The following ZNF516 variants were observed in gnomAD, a reference collection of about 807,000 sequenced individuals.
ZNF516 encodes the protein zinc finger protein 516.
Under a neutral mutation model 79.7 loss-of-function variants are expected in ZNF516, and 19 were observed. The ratio of observed to expected loss-of-function variants is 0.24; its 90% confidence interval spans 0.17 to 0.35. The LOEUF (loss-of-function observed/expected upper bound fraction) is 0.35, where lower values mean the gene tolerates loss of function less well. ZNF516 is among the 10% of genes least tolerant of loss of function. ZNF516 has a pLI of 1.00. For synonymous variants in ZNF516, 877 were observed against 739.5 expected, an observed-to-expected ratio of 1.19 and a Z score of -3.02; for missense variants, 1,678 against 1,679.5, an observed-to-expected ratio of 1.00 and a Z score of 0.02.
intron 3 of ZNF516, among the ~76,000 whole-genome samples, chr18:76,396,390 C>A (rs2145183010): frequency 6.6e-6 from 1 of 152,116 alleles, no homozygotes; most frequent in East Asian, 1.9e-4. Flanking sequence ...GTGCCAGGAG[C>A]CCGACGCTGT....
rs372078590 is a variant in ZNF516 at position 76,379,115 on chromosome 18, C to T, written c.2999G>A (p.Arg1000His). The part of the protein sequence containing the change: ...GEGGAPPLPP[R>H]EPPSKAAQEL... Reference sequence around the variant, plus strand: ...CTGGGCTGCCTTCGAGGGGGGCTCGCGGGGAGGTAGAGGAGGAGCGCCCCC... The same window carrying T: ...CTGGGCTGCCTTCGAGGGGGGCTCGTGGGGAGGTAGAGGAGGAGCGCCCCC... The change falls in exon 4 of 7, where the codon CGC becomes CAC. Residue 1000 changes from arginine (R) to histidine (H), a missense_variant. Arg to His is a conservative substitution (Grantham distance 29). Coordinates refer to ENST00000443185, the MANE Select transcript of ZNF516 (RefSeq NM_014643.4). 108 of 1,611,936 alleles carry T rather than the reference C, an allele frequency of 6.7e-5. No individual in the cohort carries two copies. The highest frequency in any genetic ancestry group is 2.5e-4 in the South Asian group (23 of 91,086).
intron 6 of ZNF516, among the ~76,000 whole-genome samples, chr18:76,362,882 C>T (rs532105390): frequency 6.6e-6 from 1 of 152,304 alleles, no homozygotes; most frequent in African/African-American, 2.4e-5. Context: ...TCTGAACCAG[C>T]TCTGGAGAGA....
At chr18:76,460,596 G>A (rs1246890497) in intron 2 of ZNF516, among the ~76,000 whole-genome samples, 1 of 152,108 alleles carries the variant, frequency 6.6e-6, no homozygotes, top group Non-Finnish European at 1.5e-5. Flanking sequence ...AAAAAAACTG[G>A]GAGGAAGGTG....
At chr18:76,436,366 C>T (rs538590036) in intron 3 of ZNF516, among the ~76,000 whole-genome samples, 4 of 152,284 alleles carry the variant, frequency 2.6e-5, no homozygotes, top group South Asian at 2.1e-4. Context: ...CCTTGATGAA[C>T]GCACTTCACT....
chr18:76,471,255 GAAAA>G (rs533579669), intron 1 of ZNF516, among the ~76,000 whole-genome samples: 3 of 140,422 alleles, frequency 2.1e-5, no homozygotes, highest in Admixed American at 7.1e-5. Flanking sequence ...CCTCCACACG[GAAAA>G]AAAAAAAAAG....
At chr18:76,494,904 C>T (rs1915418635) in intron 1 of ZNF516, among the ~76,000 whole-genome samples, 1 of 150,808 alleles carries the variant, frequency 6.6e-6, no homozygotes, top group African/African-American at 2.4e-5. Context: ...CCCCGCCGCC[C>T]GAAGTTGCAT....
At chr18:76,474,845 T>G (rs2145747965) in intron 1 of ZNF516, among the ~76,000 whole-genome samples, 1 of 152,294 alleles carries the variant, frequency 6.6e-6, no homozygotes, top group Non-Finnish European at 1.5e-5. Context: ...CATACAATGT[T>G]TTTCAAACTC....
At chr18:76,385,182 G>C (rs1285218877) in intron 3 of ZNF516, among the ~76,000 whole-genome samples, 1 of 152,246 alleles carries the variant, frequency 6.6e-6, no homozygotes, top group Non-Finnish European at 1.5e-5. Flanking sequence ...CACACCAGGG[G>C]CTCCCGGGTT....
intron 3 of ZNF516, among the ~76,000 whole-genome samples, chr18:76,416,189 AT>A (rs928948815): frequency 1.5e-4 from 23 of 152,378 alleles, no homozygotes; most frequent in African/African-American, 5.3e-4. Context: ...GCAGTAAGAC[AT>A]TTTAAGAAAA....
rs943343142 is a variant in ZNF516 at position 76,358,678 on chromosome 18, A to C, written c.*3820T>G. 6.6e-6 allele frequency: 1 copy of C among 152,162 alleles called. No individual in the cohort carries two copies. The highest frequency in any genetic ancestry group is 1.5e-5 in the Non-Finnish European group (1 of 67,970). The allele number at this position is 152,162 out of a possible 1,614,324, so 9.4% of individuals were successfully genotyped here. A position where few individuals can be genotyped will look rare whatever the true frequency, so the allele number is the denominator to read the frequency against. On this transcript the variant is annotated 3_prime_UTR_variant, in exon 7 of 7. Coordinates refer to ENST00000443185, the MANE Select transcript of ZNF516 (RefSeq NM_014643.4). Reference sequence around the variant, plus strand: ...TGCTACTTAAGACATTTTGAAGCAGAAAGTAAAGCTATGTGAATGCCGTCC... The same window carrying C: ...TGCTACTTAAGACATTTTGAAGCAGCAAGTAAAGCTATGTGAATGCCGTCC...
At chr18:76,447,071 C>T (rs1429741774) in intron 2 of ZNF516, among the ~76,000 whole-genome samples, 2 of 152,170 alleles carry the variant, frequency 1.3e-5, no homozygotes, top group Non-Finnish European at 2.9e-5. Flanking sequence ...TTCCCTGCAA[C>T]GAACTCTCCT....
chr18:76,492,952 G>A (rs1915322710), intron 1 of ZNF516: 4 of 985,642 alleles, frequency 4.1e-6, no homozygotes, highest in Non-Finnish European at 4.8e-6. Context: ...TTCACAGTGT[G>A]CAGACACATG....
At chr18:76,382,907 G>A (rs562451353) in intron 3 of ZNF516, among the ~76,000 whole-genome samples, 13 of 152,036 alleles carry the variant, frequency 8.6e-5, no homozygotes, top group Admixed American at 2.0e-4. Context: ...TTAGCCAAGC[G>A]TGGTGGCATG....
intron 1 of ZNF516, among the ~76,000 whole-genome samples, chr18:76,481,703 A>C (rs999982959): frequency 2.0e-5 from 3 of 152,260 alleles, no homozygotes; most frequent in African/African-American, 7.2e-5. Context: ...TGCTCTGTTC[A>C]TAGTAGGCAC....
chr18:76,496,368 C>G, upstream of ZNF516: 2 of 1,289,662 alleles, frequency 1.6e-6, no homozygotes, highest in Non-Finnish European at 2.0e-6. Flanking sequence ...CTCCGCGTAG[C>G]AATCAGCGCT....
intron 2 of ZNF516, among the ~76,000 whole-genome samples, chr18:76,462,514 C>T (rs1913186338): frequency 6.6e-6 from 1 of 152,246 alleles, no homozygotes; most frequent in African/African-American, 2.4e-5. Flanking sequence ...CGTGCGGACG[C>T]AGATGAAGCC....
At chr18:76,455,199 G>T (rs1599117507) in intron 2 of ZNF516, among the ~76,000 whole-genome samples, 1 of 152,152 alleles carries the variant, frequency 6.6e-6, no homozygotes, top group East Asian at 1.9e-4. Context: ...CTAATTCAGT[G>T]ACTACATCTG....
intron 1 of ZNF516, among the ~76,000 whole-genome samples, chr18:76,476,778 G>A (rs1018415047): frequency 4.6e-5 from 7 of 152,196 alleles, no homozygotes; most frequent in African/African-American, 1.7e-4. Context: ...ACCTGACTAG[G>A]TGAACCGTAG....
At chr18:76,482,704 C>T (rs756880382) in intron 1 of ZNF516, among the ~76,000 whole-genome samples, 3 of 152,172 alleles carry the variant, frequency 2.0e-5, no homozygotes, top group Non-Finnish European at 4.4e-5. Flanking sequence ...CTGTATCAAA[C>T]GTGTGACCTT....
Sources: allele counts gnomAD v4.1 joint callset (sites outside exome capture counted in the v4.1 genomes callset), GRCh38; gene constraint gnomAD v4.1.1; transcripts MANE v1.5; gene names NCBI Gene and HGNC (gene_info 2026-07-23, HGNC 2026-07-21).